The following EPHA5 variants were observed in gnomAD, a reference collection of about 807,000 sequenced individuals.
EPHA5 encodes EPH receptor A5.
EPHA5 carries 60 observed loss-of-function variants against 105.0 expected under a neutral mutation model. The observed-to-expected ratio is 0.57, with a 90% confidence interval of 0.46 to 0.71. The LOEUF is 0.71. Among genes scored for constraint, EPHA5 ranks in the 30% least tolerant of loss-of-function variants. EPHA5 has a pLI of 0.00. For missense variants in EPHA5, 1,218 were observed against 1,274.7 expected (o/e 0.96, Z 0.68); for synonymous variants, 513 against 449.1 (o/e 1.14, Z -1.80).
intron 2 of EPHA5, among the ~76,000 whole-genome samples, chr4:65,637,019 G>GA: frequency 6.6e-6 from 1 of 151,846 alleles, no homozygotes; most frequent in Admixed American, 6.6e-5. Context: ...ATGTCCAGAA[G>GA]AAAAAAGAGG....
At chr4:65,651,819 A>G (rs1456579716) in intron 1 of EPHA5, among the ~76,000 whole-genome samples, 1 of 152,130 alleles carries the variant, frequency 6.6e-6, no homozygotes, top group Non-Finnish European at 1.5e-5. Flanking sequence ...TAATAGCCTA[A>G]AAAAGTGTAA....
intron 14 of EPHA5, among the ~76,000 whole-genome samples, chr4:65,344,213 T>C (rs1345077502): frequency 6.6e-6 from 1 of 152,110 alleles, no homozygotes; most frequent in African/African-American, 2.4e-5. Flanking sequence ...TGAGATGTAA[T>C]TGGGCTCCTT....
chr4:65,618,147 T>G (rs1745408740), intron 2 of EPHA5, among the ~76,000 whole-genome samples: 1 of 152,140 alleles, frequency 6.6e-6, no homozygotes, highest in South Asian at 2.1e-4. Flanking sequence ...GTCTTCCACT[T>G]ACCACCAGAG....
intron 11 of EPHA5, among the ~76,000 whole-genome samples, chr4:65,361,375 A>C (rs568761663): frequency 6.6e-6 from 1 of 151,632 alleles, no homozygotes; most frequent in Non-Finnish European, 1.5e-5. Flanking sequence ...TCCAGAAAGA[A>C]AATAGTGAAA....
At chr4:65,379,394 C>T (rs930276417) in intron 8 of EPHA5, among the ~76,000 whole-genome samples, 1 of 151,476 alleles carries the variant, frequency 6.6e-6, no homozygotes, top group Non-Finnish European at 1.5e-5. Flanking sequence ...GATTTAAAAA[C>T]CTAGAACCAT....
At chr4:65,579,377 A>AAT (rs959016483) in intron 3 of EPHA5, among the ~76,000 whole-genome samples, 6 of 92,270 alleles carry the variant, frequency 6.5e-5, no homozygotes, top group Non-Finnish European at 1.0e-4. Context: ...TATATATATA[A>AAT]ATATATATAT....
chr4:65,324,528 G>A (rs1245660800), intron 16 of EPHA5, among the ~76,000 whole-genome samples: 2 of 150,368 alleles, frequency 1.3e-5, no homozygotes, highest in African/African-American at 2.4e-5. Flanking sequence ...AGAGTTAACA[G>A]GTACAATTTC....
chr4:65,538,285 A>C (rs532587401), intron 3 of EPHA5, among the ~76,000 whole-genome samples: 1 of 151,858 alleles, frequency 6.6e-6, no homozygotes, highest in Admixed American at 6.6e-5. Context: ...GAAAATTTAA[A>C]TATAAATCAG....
intron 3 of EPHA5, among the ~76,000 whole-genome samples, chr4:65,496,206 T>C (rs1465927374): frequency 6.6e-6 from 1 of 152,152 alleles, no homozygotes; most frequent in Non-Finnish European, 1.5e-5. Flanking sequence ...CAAATTATAA[T>C]GATTTCTTAA....
At chr4:65,351,619 T>A (rs770210947) in intron 12 of EPHA5, 21 bp from the exon 13 acceptor site, 4 of 1,609,988 alleles carry the variant, frequency 2.5e-6, no homozygotes, top group Non-Finnish European at 3.4e-6. Context: ...AATGTAGAAA[T>A]ATTAGTCTAG....
At chr4:65,409,857 C>T (rs1017341755) in intron 7 of EPHA5, among the ~76,000 whole-genome samples, 3 of 152,148 alleles carry the variant, frequency 2.0e-5, no homozygotes, top group African/African-American at 7.2e-5. Context: ...TGAGATATCA[C>T]TACCCACTTA....
At chr4:65,445,097 T>A (rs1726390297) in intron 5 of EPHA5, among the ~76,000 whole-genome samples, 1 of 152,118 alleles carries the variant, frequency 6.6e-6, no homozygotes, top group Non-Finnish European at 1.5e-5. Flanking sequence ...TGCAAATGTC[T>A]CTTATTTTTT....
In EPHA5 at chr4:65,643,541, T is replaced by C. The variant is rs1213997454; in HGVS notation, c.182-114A>G. 9.0e-6 allele frequency: 7 copies of C among 774,342 alleles called. No individual in the cohort carries two copies. In the African/African-American group the frequency reaches 1.2e-4, roughly 14 times the overall value. The allele number at this position is 774,342 out of a possible 1,614,324, so 48.0% of individuals were successfully genotyped here. ...TTGTTTACATAACTGAAATTAAGTG[T>C]TCATTATGATGAATACAATGGGTAT... On this transcript the variant is annotated intron_variant, in intron 1 of 16. Transcript: ENST00000613740.
At chr4:65,447,337 T>G (rs1726649045) in intron 5 of EPHA5, among the ~76,000 whole-genome samples, 1 of 152,060 alleles carries the variant, frequency 6.6e-6, no homozygotes, top group Non-Finnish European at 1.5e-5. Flanking sequence ...GTTACTGCAT[T>G]CAATATACTA....
intron 3 of EPHA5, among the ~76,000 whole-genome samples, chr4:65,580,487 A>G (rs558741454): frequency 1.6e-4 from 24 of 152,016 alleles, no homozygotes; most frequent in African/African-American, 5.8e-4. Context: ...CTATGTCCAG[A>G]AAACCCATTT....
chr4:65,395,702 A>G (rs941436012), intron 8 of EPHA5, among the ~76,000 whole-genome samples: 1 of 152,228 alleles, frequency 6.6e-6, no homozygotes, highest in African/African-American at 2.4e-5. Context: ...ATGTCCAGGT[A>G]CATGATTTGA....
At chr4:65,351,359 T>A (rs2148853497) in intron 13 of EPHA5, 30 bp downstream of exon 13, 7 of 1,591,352 alleles carry the variant, frequency 4.4e-6, no homozygotes, top group Non-Finnish European at 6.0e-6. Context: ...TCTGGTCTAG[T>A]GTTTAGAAAT....
At chr4:65,572,559 G>C (rs531860924) in intron 3 of EPHA5, among the ~76,000 whole-genome samples, 1 of 152,212 alleles carries the variant, frequency 6.6e-6, no homozygotes, top group Admixed American at 6.5e-5. Flanking sequence ...ACCTTAAATA[G>C]CATAATGAGC....
At chr4:65,361,104 T>C (rs1054948278) in intron 11 of EPHA5, among the ~76,000 whole-genome samples, 2 of 151,830 alleles carry the variant, frequency 1.3e-5, no homozygotes, top group African/African-American at 4.8e-5. Flanking sequence ...CAAAAACCTC[T>C]GCCCTTTGAA....
Sources: allele counts gnomAD v4.1 joint callset (sites outside exome capture counted in the v4.1 genomes callset), GRCh38; gene constraint gnomAD v4.1.1; transcripts MANE v1.5; gene names NCBI Gene and HGNC (gene_info 2026-07-23, HGNC 2026-07-21).